The following APOLD1 variants were observed in gnomAD, a reference collection of about 807,000 sequenced individuals.
The protein encoded by APOLD1 is apolipoprotein L domain containing 1.
In APOLD1, 22 loss-of-function variants were observed where a neutral mutation model predicts 15.3. The observed-to-expected ratio is 1.44, with a 90% CI of 1.03 to 2.05. The LOEUF is 2.05. APOLD1 is among the 30% of genes most tolerant of loss of function. APOLD1 has a pLI of 0.00. For synonymous variants in APOLD1, 190 were observed against 167.4 expected, an observed-to-expected ratio of 1.13 and a Z score of -1.04; for missense variants, 394 against 353.5, an observed-to-expected ratio of 1.11 and a Z score of -0.92.
rs754915728 is a variant in APOLD1, at chr12:12,785,700, T to C, written c.3+6T>C. 1.2e-6 allele frequency: 2 copies of C among 1,613,440 alleles called. No individual in the cohort carries two copies. Among genetic ancestry groups the C allele is most frequent in the Admixed American group, 3.3e-5 (2 of 60,020 alleles). On this transcript the variant is annotated splice_donor_region_variant and intron_variant, in intron 1 of 1. Transcript: ENST00000356591. Reference sequence around the variant, plus strand: ...GAGGCAGACAGAAGTGAATGGTAAGTGGGGAACCCTGAGGCATATATTCGG... The same window carrying C: ...GAGGCAGACAGAAGTGAATGGTAAGCGGGGAACCCTGAGGCATATATTCGG...
At chr12:12,761,806 A>T (rs555415099) in intron 1 of APOLD1, among the ~76,000 whole-genome samples, 1,037 of 97,776 alleles carry the variant, frequency 0.011, 41 homozygotes, top group African/African-American at 0.043. Context: ...TATATACATG[A>T]ACATATACAT....
At chr12:12,784,104 A>G (rs547953343), upstream of APOLD1, among the ~76,000 whole-genome samples, 2 of 152,214 alleles carry the variant, frequency 1.3e-5, no homozygotes, top group African/African-American at 2.4e-5. Flanking sequence ...ATTTTCCTCT[A>G]CCTTCTGGTT....
intron 1 of APOLD1, among the ~76,000 whole-genome samples, chr12:12,751,551 A>G (rs900099271): frequency 2.0e-5 from 3 of 152,104 alleles, no homozygotes; most frequent in African/African-American, 4.8e-5. Context: ...AGGCATTGCT[A>G]TGTTACCCAG....
intron 1 of APOLD1, among the ~76,000 whole-genome samples, chr12:12,776,360 A>G (rs778010193): frequency 2.6e-5 from 4 of 152,256 alleles, no homozygotes; most frequent in Non-Finnish European, 4.4e-5. Context: ...AACTCGGAAG[A>G]TAATGACTAA....
intron 1 of APOLD1, among the ~76,000 whole-genome samples, chr12:12,757,929 T>C (rs186737444): frequency 6.7e-6 from 1 of 150,256 alleles, no homozygotes; most frequent in African/African-American, 2.5e-5. Context: ...AAGCAACTAA[T>C]TCAATATCTT....
chr12:12,730,916 C>A (rs1015859953), intron 1 of APOLD1, among the ~76,000 whole-genome samples: 2 of 151,700 alleles, frequency 1.3e-5, no homozygotes, highest in Non-Finnish European at 2.9e-5. Flanking sequence ...CCGAGGCAGG[C>A]GGATCACAAG....
chr12:12,785,853 G>C (rs897381072), intron 1 of APOLD1, among the ~76,000 whole-genome samples, 159 bp downstream of exon 1: 2 of 152,230 alleles, frequency 1.3e-5, no homozygotes, highest in Admixed American at 6.5e-5. Flanking sequence ...GCTCTGTGAA[G>C]AATCAGCTGC....
intron 1 of APOLD1, among the ~76,000 whole-genome samples, chr12:12,740,002 G>C (rs61913602): frequency 5.4e-5 from 8 of 147,538 alleles, no homozygotes; most frequent in Non-Finnish European, 1.0e-4. Context: ...TTTTTTTTGG[G>C]ATGGAGACTC....
At chr12:12,774,546 C>CAAAAAA (rs57343706) in intron 1 of APOLD1, among the ~76,000 whole-genome samples, 45 of 42,288 alleles carry the variant, frequency 1.1e-3, no homozygotes, top group Admixed American at 2.1e-3. Context: ...ACTCTAACTC[C>CAAAAAA]AAAAAAAAAA....
intron 1 of APOLD1, among the ~76,000 whole-genome samples, chr12:12,759,501 T>C (rs1358503134): frequency 1.3e-5 from 2 of 152,210 alleles, no homozygotes; most frequent in African/African-American, 4.8e-5. Flanking sequence ...ACAAATATGT[T>C]GATGGAAATA....
chr12:12,785,318 T>C (rs2136401166), upstream of APOLD1, among the ~76,000 whole-genome samples: 1 of 152,274 alleles, frequency 6.6e-6, no homozygotes, highest in Non-Finnish European at 1.5e-5. Context: ...CTATAATTGG[T>C]CAGCCTGGGG....
At chr12:12,745,499 C>T (rs753921438) in intron 1 of APOLD1, among the ~76,000 whole-genome samples, 2 of 152,080 alleles carry the variant, frequency 1.3e-5, no homozygotes, top group South Asian at 2.1e-4. Flanking sequence ...CACTGCGCTC[C>T]AGCCTATGCA....
chr12:12,781,452 A>G (rs1311373227), upstream of APOLD1, among the ~76,000 whole-genome samples: 1 of 152,226 alleles, frequency 6.6e-6, no homozygotes, highest in Non-Finnish European at 1.5e-5. Context: ...AATAAAAAAT[A>G]AAATAACTGA....
upstream of APOLD1, among the ~76,000 whole-genome samples, chr12:12,782,202 T>G (rs1386904546): frequency 6.6e-6 from 1 of 152,012 alleles, no homozygotes; most frequent in Non-Finnish European, 1.5e-5. Context: ...GAGGCTGCAG[T>G]GAGCCGAGAT....
At chr12:12,741,053 C>T (rs918235332) in intron 1 of APOLD1, among the ~76,000 whole-genome samples, 2 of 152,074 alleles carry the variant, frequency 1.3e-5, no homozygotes, top group Non-Finnish European at 2.9e-5. Flanking sequence ...AGTCCTTGTA[C>T]CTTTTGTAAC....
intron 1 of APOLD1, among the ~76,000 whole-genome samples, chr12:12,751,188 G>A (rs566747584): frequency 4.6e-5 from 7 of 152,206 alleles, no homozygotes; most frequent in African/African-American, 1.4e-4. Flanking sequence ...AAGTAGGGTG[G>A]TATGAGAGGG....
intron 1 of APOLD1, among the ~76,000 whole-genome samples, chr12:12,737,806 A>G (rs1378644826): frequency 6.6e-6 from 1 of 152,144 alleles, no homozygotes; most frequent in Non-Finnish European, 1.5e-5. Flanking sequence ...GATTTGTTCA[A>G]CCGTGGGAAT....
At chr12:12,755,110 T>A (rs1199884751) in intron 1 of APOLD1, among the ~76,000 whole-genome samples, 1 of 152,098 alleles carries the variant, frequency 6.6e-6, no homozygotes, top group East Asian at 1.9e-4. Context: ...AATAGATAAT[T>A]AGACATTTGG....
At chr12:12,771,475 T>C (rs1309860334) in intron 1 of APOLD1, 1 of 483,822 alleles carries the variant, frequency 2.1e-6, no homozygotes, top group Non-Finnish European at 4.1e-6. Flanking sequence ...GTGCAAAGTT[T>C]TTCATCTGTG....
Sources: allele counts gnomAD v4.1 joint callset (sites outside exome capture counted in the v4.1 genomes callset), GRCh38; gene constraint gnomAD v4.1.1; transcripts MANE v1.5; gene names NCBI Gene and HGNC (gene_info 2026-07-23, HGNC 2026-07-21).